ASXL3: variants seen among roughly 807,000 people sequenced by gnomAD.
ASXL3 encodes putative Polycomb group protein ASXL3.
Under a neutral mutation model 170.6 loss-of-function variants are expected in ASXL3, and 34 were observed. That is an observed-to-expected ratio of 0.20 (90% CI 0.15 to 0.27). The LOEUF is 0.27. Among genes scored for constraint, ASXL3 ranks in the 10% least tolerant of loss-of-function variants. The probability of loss-of-function intolerance (pLI) is 1.00; values close to 1 mark genes in which losing one functional copy is unlikely to be tolerated. For missense variants in ASXL3, 2,592 were observed against 2,695.3 expected, an observed-to-expected ratio of 0.96 and a Z score of 0.85; for synonymous variants, 1,002 against 989.1, an observed-to-expected ratio of 1.01 and a Z score of -0.24.
intron 10 of ASXL3, among the ~76,000 whole-genome samples, chr18:33,738,251 C>G (rs2067581786): frequency 6.6e-6 from 1 of 152,100 alleles, no homozygotes; most frequent in African/African-American, 2.4e-5. Flanking sequence ...TATCTCCTTG[C>G]TTTACAAAAT....
intron 5 of ASXL3, among the ~76,000 whole-genome samples, chr18:33,670,447 C>T (rs771297214): frequency 2.0e-5 from 3 of 152,024 alleles, no homozygotes; most frequent in African/African-American, 2.4e-5. Flanking sequence ...AGAATTATAC[C>T]GAAAATGGTC....
At chr18:33,588,778 A>G (rs555273128) in intron 1 of ASXL3, among the ~76,000 whole-genome samples, 1 of 152,262 alleles carries the variant, frequency 6.6e-6, no homozygotes, top group South Asian at 2.1e-4. Flanking sequence ...TTTCATAGCA[A>G]CAATGAAGTC....
At chr18:33,602,898 T>G (rs1210965810) in intron 1 of ASXL3, among the ~76,000 whole-genome samples, 1 of 151,086 alleles carries the variant, frequency 6.6e-6, no homozygotes, top group Non-Finnish European at 1.5e-5. Flanking sequence ...TAATGGTTTA[T>G]TGTTGTTATA....
rs2067830013 is a variant in ASXL3 at position 33,748,307 on chromosome 18, A to G, written c.*1712A>G. The G allele has an allele frequency of 6.6e-6, 1 of 152,118 alleles. No individual in the cohort carries two copies. Among genetic ancestry groups the G allele is most frequent in the Non-Finnish European group, 1.5e-5 (1 of 68,016 alleles). The allele number at this position is 152,118 out of a possible 1,614,324, so 9.4% of individuals were successfully genotyped here. A position where few individuals can be genotyped will look rare whatever the true frequency, so the allele number is the denominator to read the frequency against. On this transcript the variant is annotated 3_prime_UTR_variant, in exon 12 of 12. Coordinates refer to ENST00000269197, the MANE Select transcript of ASXL3 (RefSeq NM_030632.3). ...TTTTTTTATAATAACCAACTATATA[A>G]TATGTTTTTTTCTCCGTATTTATTG...
intron 4 of ASXL3, among the ~76,000 whole-genome samples, chr18:33,655,410 A>G (rs760883339): frequency 2.1e-4 from 32 of 152,084 alleles, no homozygotes; most frequent in Admixed American, 1.9e-3. Flanking sequence ...TTTAGACTCC[A>G]TGTCCTTTGA....
intron 7 of ASXL3, among the ~76,000 whole-genome samples, chr18:33,675,236 C>G (rs546296861): frequency 6.6e-6 from 1 of 152,142 alleles, no homozygotes; most frequent in Non-Finnish European, 1.5e-5. Context: ...AAAAATGATC[C>G]TGTGTTTGTG....
At chr18:33,689,123 A>G (rs570568321) in intron 8 of ASXL3, among the ~76,000 whole-genome samples, 2 of 152,082 alleles carry the variant, frequency 1.3e-5, no homozygotes, top group African/African-American at 4.8e-5. Context: ...CCTCCCGAGT[A>G]GCTAGACTAT....
chr18:33,640,230 C>T (rs1186716060), intron 2 of ASXL3, among the ~76,000 whole-genome samples: 1 of 151,962 alleles, frequency 6.6e-6, no homozygotes, highest in Non-Finnish European at 1.5e-5. Context: ...TGGAATTATT[C>T]AGCTAACTTA....
At position 33,578,652 on chromosome 18, in the gene ASXL3, G is replaced by A; in HGVS notation, c.21G>A (p.Lys7=). The stretch of plus-strand genomic sequence containing the variant: ...CAAACATGAAAGACAAGAGGAAGAA[G>A]AAGGACCGCACCTGGGCCGAGGCTG... MKDKRK[K]KDRTWAEAAR... The change falls in exon 1 of 12, where the codon AAG becomes AAA. Residue 7 remains lysine, a synonymous_variant. Coordinates refer to ENST00000269197, the MANE Select transcript of ASXL3 (RefSeq NM_030632.3). 3.7e-6 allele frequency: 5 copies of A among 1,365,162 alleles called. No individual in the cohort carries two copies. The highest frequency in any genetic ancestry group is 2.9e-6 in the Non-Finnish European group (3 of 1,033,614). The allele number at this position is 1,365,162 out of a possible 1,614,324, so 84.6% of individuals were successfully genotyped here. A position where few individuals can be genotyped will look rare whatever the true frequency, so the allele number is the denominator to read the frequency against.
At chr18:33,705,365 T>G (rs866654100) in intron 8 of ASXL3, among the ~76,000 whole-genome samples, 3 of 145,200 alleles carry the variant, frequency 2.1e-5, no homozygotes, top group Admixed American at 6.9e-5. Context: ...GTGTTTTTTG[T>G]TTTTTTTTTT....
At position 33,748,765 on chromosome 18, in the gene ASXL3, A is replaced by G. The variant is rs372829784; in HGVS notation, c.*2170A>G. 6.6e-6 allele frequency: 1 copy of G among 152,352 alleles called. No individual in the cohort carries two copies. Among genetic ancestry groups the G allele is most frequent in the East Asian group, 1.9e-4 (1 of 5,178 alleles). The allele number at this position is 152,352 out of a possible 1,614,324, so 9.4% of individuals were successfully genotyped here. A position where few individuals can be genotyped will look rare whatever the true frequency, so the allele number is the denominator to read the frequency against. ...ACTCCTTCCAAATTCATTCACTGCT[A>G]TACCAGTGTCAGATACTGTCTACAC... On this transcript the variant is annotated 3_prime_UTR_variant, in exon 12 of 12. Coordinates refer to ENST00000269197, the MANE Select transcript of ASXL3 (RefSeq NM_030632.3).
chr18:33,646,889 G>T (rs1269077612), intron 4 of ASXL3, among the ~76,000 whole-genome samples: 2 of 143,506 alleles, frequency 1.4e-5, no homozygotes, highest in South Asian at 2.4e-4. Context: ...GCGGGGGGGG[G>T]GGGCATTTTT....
chr18:33,742,835 C>T lies in ASXL3; in HGVS notation c.3040-53C>T, dbSNP rs530012325. The T allele has an allele frequency of 1.3e-4, 204 of 1,519,250 alleles. 3 individuals carry two copies. In the South Asian group the frequency reaches 2.6e-3, roughly 19 times the overall value. 94.1% of individuals were successfully genotyped at this position (1,519,250 alleles called of 1,614,324 possible). On this transcript the variant is annotated intron_variant, in intron 11 of 11. Coordinates refer to ENST00000269197, the MANE Select transcript of ASXL3 (RefSeq NM_030632.3). ...TGCATTATCACATTCTACGTGCCTC[C>T]TCTGTGATCATGTATGAAGCACATT...
chr18:33,725,960 G>A (rs543733237), intron 8 of ASXL3, among the ~76,000 whole-genome samples: 20 of 151,968 alleles, frequency 1.3e-4, no homozygotes, highest in Admixed American at 5.9e-4. Context: ...CATTGGTTCC[G>A]CTTGCTCTTG....
chr18:33,626,293 C>A (rs1259224247), intron 2 of ASXL3, among the ~76,000 whole-genome samples: 3 of 151,874 alleles, frequency 2.0e-5, no homozygotes, highest in Non-Finnish European at 4.4e-5. Flanking sequence ...AAAATCTTAC[C>A]ATTTCAAGTT....
At chr18:33,619,708 GATTGAA>G (rs2065479981) in intron 2 of ASXL3, among the ~76,000 whole-genome samples, 2 of 152,086 alleles carry the variant, frequency 1.3e-5, no homozygotes, top group Non-Finnish European at 2.9e-5. Context: ...TGGACTTACA[GATTGAA>G]ATTCTTGTTT....
intron 1 of ASXL3, among the ~76,000 whole-genome samples, chr18:33,590,452 TA>T (rs2065068763): frequency 6.6e-6 from 1 of 152,022 alleles, no homozygotes; most frequent in Admixed American, 6.6e-5. Flanking sequence ...AAAGCACCAA[TA>T]AAAGGCAGAT....
At position 33,591,975 on chromosome 18, in the gene ASXL3, G is replaced by A. The variant is rs138932597; in HGVS notation, c.54+13290G>A. On this transcript the variant is annotated intron_variant, in intron 1 of 11. Transcript: ENST00000269197. ...ACTATTTTCTGAGCTCAACTTCATA[G>A]TAGGAAATGAACTCATGAAAGTTAA... is the stretch of plus-strand genomic sequence containing the variant. 2.2e-3 allele frequency among the ~76,000 whole-genome samples: 334 copies of A among 151,990 alleles called. 3 individuals are homozygous for A. Among genetic ancestry groups the A allele is most frequent in the African/African-American group, 6.9e-3 (285 of 41,454 alleles).
intron 1 of ASXL3, among the ~76,000 whole-genome samples, chr18:33,579,910 A>G (rs758477920): frequency 5.9e-5 from 9 of 152,156 alleles, no homozygotes; most frequent in Non-Finnish European, 1.0e-4. Context: ...CATTTGAGTA[A>G]CTACATTATG....
Sources: allele counts gnomAD v4.1 joint callset (sites outside exome capture counted in the v4.1 genomes callset), GRCh38; gene constraint gnomAD v4.1.1; transcripts MANE v1.5; gene names NCBI Gene and HGNC (gene_info 2026-07-23, HGNC 2026-07-21).